The following PEX5 variants were observed in gnomAD, a reference collection of about 807,000 sequenced individuals.
PEX5 encodes the protein PTS1 receptor.
A neutral mutation model predicts 82.9 loss-of-function variants in PEX5; 52 were observed. The ratio of observed to expected loss-of-function variants is 0.63; its 90% CI spans 0.50 to 0.79. PEX5 has a LOEUF of 0.79. Among genes scored for constraint, PEX5 ranks in the 30% least tolerant of loss-of-function variants. The probability of loss-of-function intolerance (pLI) is 0.00; values close to 1 mark genes in which losing one functional copy is unlikely to be tolerated. For missense variants in PEX5, 719 were observed against 815.2 expected, an observed-to-expected ratio of 0.88 and a Z score of 1.44; for synonymous variants, 300 against 318.8, an observed-to-expected ratio of 0.94 and a Z score of 0.63.
At position 7,197,463 on chromosome 12, in the gene PEX5, TTA is replaced by T. The variant is rs1275350970; in HGVS notation, c.449-1542_449-1541del. 9.9e-4 allele frequency among the ~76,000 whole-genome samples: 140 copies of T among 141,274 alleles called. 7 individuals carry two copies. Among genetic ancestry groups the T allele is most frequent in the East Asian group, 6.7e-3 (32 of 4,802 alleles). The allele number at this position is 141,274 out of a possible 152,430, so 92.7% of individuals were successfully genotyped here. On this transcript the variant is annotated intron_variant, in intron 5 of 15. Transcript: ENST00000675855. Reference sequence around the variant, plus strand: ...AATTATGTTATATATAATGTAATAATTATATATGTTATATATAATATAATAAT... The same window carrying T: ...AATTATGTTATATATAATGTAATAATTATATGTTATATATAATATAATAAT...
upstream of PEX5, chr12:7,188,746 C>T (rs1228460721): frequency 1.3e-5 from 2 of 152,500 alleles, no homozygotes; most frequent in Non-Finnish European, 2.9e-5. Flanking sequence ...GGTCATTTAC[C>T]GGCAGCCCTG....
rs1944177852 is a variant in PEX5, at chr12:7,202,276, G to A, written c.678G>A (p.Gln226=). The A allele has an allele frequency of 1.9e-6, 3 of 1,614,132 alleles. No individual in the cohort carries two copies. Among genetic ancestry groups the A allele is most frequent in the African/African-American group, 1.3e-5 (1 of 75,030 alleles). ...LKFVRQIGEG[Q]VSLESGAGSG... ...TCGTGCGGCAGATTGGCGAAGGGCA[G>A]GTGTCCCTGGAGTCCGGTGCAGGGT... Residue 226 remains glutamine, a synonymous_variant, in exon 8 of 16, where the codon CAG becomes CAA. Transcript: ENST00000675855.
In PEX5 at chr12:7,190,472, A is replaced by G; in HGVS notation, c.95A>G (p.Gln32Arg). 1 of 1,614,044 alleles carries G rather than the reference A, an allele frequency of 6.2e-7. No homozygotes were observed. The highest frequency in any genetic ancestry group is 8.5e-7 in the Non-Finnish European group (1 of 1,179,996). Reference sequence around the variant, plus strand: ...TTCACCCAGGACAAGGCCCTTCGGCAGGAGGGATTGAGGCCTGGCCCCTGG... The same window carrying G: ...TTCACCCAGGACAAGGCCCTTCGGCGGGAGGGATTGAGGCCTGGCCCCTGG... ...GHFTQDKALRQEGLRPGPWPP... is the reference protein window; with the variant it reads ...GHFTQDKALRREGLRPGPWPP... The change falls in exon 2 of 16, where the codon CAG becomes CGG. Residue 32 changes from glutamine to arginine, a missense_variant. Physicochemically the swap from Gln to Arg is conservative, Grantham distance 43. Coordinates refer to ENST00000675855, the MANE Select transcript of PEX5 (RefSeq NM_001351132.2).
downstream of PEX5, among the ~76,000 whole-genome samples, chr12:7,215,112 T>C (rs1185054947): frequency 2.6e-5 from 4 of 152,268 alleles, no homozygotes; most frequent in East Asian, 7.7e-4. Context: ...GAACAGACAC[T>C]TTTCAAAATA....
Position 7,200,561 on chromosome 12 carries a change from C to A in PEX5, c.552-1190C>A, listed in dbSNP as rs752851780. Among the ~76,000 whole-genome samples, 4 of 152,210 alleles carry A rather than the reference C, an allele frequency of 2.6e-5. No individual in the cohort carries two copies. In the East Asian group the frequency reaches 5.8e-4, roughly 22 times the overall value. Reference sequence around the variant, plus strand: ...GGCGGCTGGGAGGTGGAGGTTGTAGCGAGCCGAGATCACGCCACTGCACTC... The same window carrying A: ...GGCGGCTGGGAGGTGGAGGTTGTAGAGAGCCGAGATCACGCCACTGCACTC... On this transcript the variant is annotated intron_variant, in intron 6 of 15. Coordinates refer to ENST00000675855, the MANE Select transcript of PEX5 (RefSeq NM_001351132.2).
At chr12:7,201,282 GACAT>G (rs1403608746) in intron 6 of PEX5, among the ~76,000 whole-genome samples, 7 of 147,712 alleles carry the variant, frequency 4.7e-5, no homozygotes, top group Admixed American at 1.4e-4. Flanking sequence ...CACACACATA[GACAT>G]ACATGTATAC....
chr12:7,201,686 G>A (rs1186763584), intron 6 of PEX5, 65 bp from the exon 7 acceptor site: 1 of 1,114,668 alleles, frequency 9.0e-7, no homozygotes, highest in Admixed American at 1.7e-5. Flanking sequence ...TGGGCTAGGA[G>A]TGGGGAGTAG....
chr12:7,210,255 C>G lies in PEX5; in HGVS notation c.*32C>G, dbSNP rs1945401216. On this transcript the variant is annotated 3_prime_UTR_variant, in exon 16 of 16. Coordinates refer to ENST00000675855, the MANE Select transcript of PEX5 (RefSeq NM_001351132.2). The stretch of plus-strand genomic sequence containing the variant: ...GACGGGCTGCCCTGTGAGTGTCCAC[C>G]TGGAGGGATCCCCGCTTTGGATGTG... The G allele has an allele frequency of 1.9e-6, 3 of 1,595,394 alleles. No individual in the cohort carries two copies.
In PEX5 at chr12:7,190,165, T is replaced by C. The variant is rs370784207; in HGVS notation, c.-16-197T>C. ...AGGCGCAGGCTGGAAGCGGTGGCCT[T>C]TGAGGGGGGCGGCAGGAGAGAGTAC... is the stretch of plus-strand genomic sequence containing the variant. On this transcript the variant is annotated intron_variant, in intron 1 of 15. Coordinates refer to ENST00000675855, the MANE Select transcript of PEX5 (RefSeq NM_001351132.2). 4 of 1,497,770 alleles carry C rather than the reference T, an allele frequency of 2.7e-6. No individual in the cohort carries two copies. The South Asian group carries it at 3.8e-5, about 14-fold the overall frequency. 92.8% of individuals were successfully genotyped at this position (1,497,770 alleles called of 1,614,324 possible). A position where few individuals can be genotyped will look rare whatever the true frequency, so the allele number is the denominator to read the frequency against.
intron 17 of PEX5, among the ~76,000 whole-genome samples, chr12:7,217,211 G>A (rs1465379480): frequency 1.3e-5 from 2 of 152,214 alleles, no homozygotes; most frequent in Non-Finnish European, 2.9e-5. Flanking sequence ...TTCGTAAAGG[G>A]CAAGTGCATT....
At position 7,201,915 on chromosome 12, in the gene PEX5, C is replaced by T. The variant is rs1045381879; in HGVS notation, c.642+74C>T. The T allele has an allele frequency of 3.7e-6, 4 of 1,081,298 alleles. No individual in the cohort carries two copies. The African/African-American group carries it at 4.6e-5, about 12-fold the overall frequency. The allele number at this position is 1,081,298 out of a possible 1,614,324, so 67.0% of individuals were successfully genotyped here. On this transcript the variant is annotated intron_variant, in intron 7 of 15. Coordinates refer to ENST00000675855, the MANE Select transcript of PEX5 (RefSeq NM_001351132.2). ...GGCAAGAATCTTGCTTTTCTTACCCCAGTTTAGTTTAAAGAGAAGGAGAAG... is the reference window on the plus strand; with the variant it reads ...GGCAAGAATCTTGCTTTTCTTACCCTAGTTTAGTTTAAAGAGAAGGAGAAG...
intron 10 of PEX5, among the ~76,000 whole-genome samples, chr12:7,205,149 A>T (rs769896742): frequency 2.0e-4 from 30 of 152,314 alleles, no homozygotes; most frequent in African/African-American, 7.0e-4. Flanking sequence ...TTTTGGTGTC[A>T]TATCCAGAAT....
chr12:7,201,644 A>T, intron 6 of PEX5, 107 bp from the exon 7 acceptor site: 1 of 824,542 alleles, frequency 1.2e-6, no homozygotes, highest in Non-Finnish European at 2.1e-6. Context: ...CAACAGGAGA[A>T]TGGAGTTCCC....
In PEX5 at chr12:7,196,432, CCATATATAATGTAATAATTATGTGT is replaced by C. The variant is rs1330043649; in HGVS notation, c.449-2558_449-2534del. ...ATATATAATGTAATAATTATATGTG[CCATATATAATGTAATAATTATGTGT>C]CATATATAATGTAATAATTACATCA... On this transcript the variant is annotated intron_variant, in intron 5 of 15. Coordinates refer to ENST00000675855, the MANE Select transcript of PEX5 (RefSeq NM_001351132.2). Among the ~76,000 whole-genome samples, 4 of 131,102 alleles carry C rather than the reference CCATATATAATGTAATAATTATGTGT, an allele frequency of 3.1e-5. No individual in the cohort carries two copies. In the Admixed American group the frequency reaches 3.2e-4, roughly 11 times the overall value. 86.0% of individuals were successfully genotyped at this position (131,102 alleles called of 152,430 possible). A position where few individuals can be genotyped will look rare whatever the true frequency, so the allele number is the denominator to read the frequency against.
Position 7,197,174 on chromosome 12 carries a change from A to ATATATGTCATATATAATGTAAT in PEX5, c.449-1831_449-1810dup, listed in dbSNP as rs1555175852. Among the ~76,000 whole-genome samples the ATATATGTCATATATAATGTAAT allele has an allele frequency of 1.0e-3, 80 of 77,720 alleles. 20 individuals carry two copies. Among genetic ancestry groups the ATATATGTCATATATAATGTAAT allele is most frequent in the African/African-American group, 4.1e-3 (73 of 17,662 alleles). 51.0% of individuals were successfully genotyped at this position (77,720 alleles called of 152,430 possible). ...TATATATGTCATATATAATGTAATTATATATGTCATATATAATGTAATTAT... is the reference window on the plus strand; with the variant it reads ...TATATATGTCATATATAATGTAATTATATATGTCATATATAATGTAATTATATGTCATATATAATGTAATTAT... On this transcript the variant is annotated intron_variant, in intron 5 of 15. Transcript: ENST00000675855.
At chr12:7,190,948 T>C (rs1485609279) in intron 3 of PEX5, 25 bp downstream of exon 3, 1 of 1,605,944 alleles carries the variant, frequency 6.2e-7, no homozygotes, top group Non-Finnish European at 8.5e-7. Context: ...CTCTTTTCTG[T>C]CCCATTTTTC....
chr12:7,190,093 C>T lies in PEX5; in HGVS notation c.-16-269C>T, dbSNP rs901854733. On this transcript the variant is annotated intron_variant, in intron 1 of 15. Coordinates refer to ENST00000675855, the MANE Select transcript of PEX5 (RefSeq NM_001351132.2). ...GGTCCAGGCCCCTTTGTGGAGGCAG[C>T]TGCTGGCCCCCAGCCCATGGGACCG... The T allele has an allele frequency of 6.0e-6, 9 of 1,490,560 alleles. No individual in the cohort carries two copies. The East Asian group carries it at 2.2e-4, about 37-fold the overall frequency. 92.3% of individuals were successfully genotyped at this position (1,490,560 alleles called of 1,614,324 possible). A position where few individuals can be genotyped will look rare whatever the true frequency, so the allele number is the denominator to read the frequency against.
In PEX5 at chr12:7,211,357, T is replaced by TAA. The variant is rs1945554103; in HGVS notation, c.*1136_*1137dup. ...CTAATGATCAGAGAGATTTTTTTTT[T>TAA]AAACTACCATGGTCCCAGGATTCCA... On this transcript the variant is annotated 3_prime_UTR_variant, in exon 16 of 16. Coordinates refer to ENST00000675855, the MANE Select transcript of PEX5 (RefSeq NM_001351132.2). 6.6e-6 allele frequency: 1 copy of TAA among 152,090 alleles called. No individual in the cohort carries two copies. Among genetic ancestry groups the TAA allele is most frequent in the Non-Finnish European group, 1.5e-5 (1 of 67,994 alleles). 9.4% of individuals were successfully genotyped at this position (152,090 alleles called of 1,614,324 possible).
chr12:7,208,864 TATTGGACTTTGAGAGTAG>T, intron 13 of PEX5, 123 bp from the exon 14 acceptor site: 1 of 915,658 alleles, frequency 1.1e-6, no homozygotes, highest in South Asian at 1.3e-5. Flanking sequence ...CAGGCTTCTA[TATTGGACTTTGAGAGTAG>T]AAGAGATGAC....
Sources: gnomAD v4.1 joint callset for allele counts (sites outside exome capture counted in the v4.1 genomes callset) on GRCh38, gnomAD v4.1.1 for gene constraint, MANE v1.5 for transcripts, NCBI Gene and HGNC (gene_info 2026-07-23, HGNC 2026-07-21) for gene names.